Variants in VRTN observed in about 807,000 individuals in gnomAD.
VRTN encodes vertnin.
Under a neutral mutation model 18.2 loss-of-function variants are expected in VRTN, and 5 were observed. That is an observed-to-expected ratio of 0.27 (90% confidence interval 0.14 to 0.58). VRTN has a LOEUF of 0.58. Among genes scored for constraint, VRTN ranks in the 20% least tolerant of loss-of-function variants. The pLI is 0.91. For missense variants in VRTN, 741 were observed against 939.4 expected (o/e 0.79, Z 2.76); for synonymous variants, 381 against 393.7 (o/e 0.97, Z 0.38).
intron 1 of VRTN, among the ~76,000 whole-genome samples, chr14:74,327,271 T>C (rs1369090120): frequency 6.6e-6 from 1 of 152,198 alleles, no homozygotes; most frequent in Admixed American, 6.5e-5. Context: ...GGTCCGCTGG[T>C]CCACAGTAGT....
intron 1 of VRTN, among the ~76,000 whole-genome samples, chr14:74,311,519 C>G (rs1344273275): frequency 6.6e-6 from 1 of 151,640 alleles, no homozygotes; most frequent in Admixed American, 6.6e-5. Flanking sequence ...CTCCTGGGGT[C>G]AAGCTACTCC....
At chr14:74,324,759 A>G (rs998338572) in intron 1 of VRTN, among the ~76,000 whole-genome samples, 2 of 280 alleles carry the variant, frequency 7.1e-3, no homozygotes, top group African/African-American at 0.013. Context: ...GTGGTGGCGC[A>G]TGCTATGGCC....
In VRTN at chr14:74,358,878, C is replaced by G; in HGVS notation, c.2095C>G (p.Leu699Val). Residue 699 changes from leucine (L) to valine (V), a missense_variant, in exon 2 of 2, where the codon CTG becomes GTG. Physicochemically the swap from Leu to Val is conservative, Grantham distance 32. Around this residue, in one of 3 missense-constraint regions of VRTN, gnomAD observed 61 missense variants for 104.6 expected, o/e 0.58. Transcript: ENST00000256362. This position sits in a 1 kb window ranked among gnomAD's most constrained non-coding sequence, Gnocchi z 5.4. Reference sequence around the variant, plus strand: ...GCGAGCCCTCTATGACGGCCTGACCCTGGTAGATGGCTGACAGGGAGGTAC... The same window carrying G: ...GCGAGCCCTCTATGACGGCCTGACCGTGGTAGATGGCTGACAGGGAGGTAC... ...WKRALYDGLT[L>V]VDG The G allele has an allele frequency of 6.2e-7, 1 of 1,609,306 alleles. No homozygotes were observed. Among genetic ancestry groups the G allele is most frequent in the Non-Finnish European group, 8.5e-7 (1 of 1,176,898 alleles).
intron 1 of VRTN, among the ~76,000 whole-genome samples, chr14:74,335,552 G>T (rs8010377): frequency 1 from 152,300 of 152,300 alleles, 76,150 homozygotes; most frequent in Non-Finnish European, 1. Context: ...CTTATCACAG[G>T]CCTGTAATGA....
At chr14:74,314,557 C>T (rs780091469) in intron 1 of VRTN, among the ~76,000 whole-genome samples, 19 of 151,794 alleles carry the variant, frequency 1.3e-4, no homozygotes, top group Non-Finnish European at 2.2e-4. Context: ...CCACCATACC[C>T]GGCTAAATTT....
intron 1 of VRTN, among the ~76,000 whole-genome samples, chr14:74,353,625 T>C (rs544553122): frequency 6.6e-6 from 1 of 152,314 alleles, no homozygotes; most frequent in Admixed American, 6.5e-5. Context: ...CCAGTGTATA[T>C]TGTACACAAA....
At position 74,356,800 on chromosome 14, in the gene VRTN, A is replaced by G. The variant is rs1171941315; in HGVS notation, c.17A>G (p.Gln6Arg). Residue 6 changes from glutamine to arginine, a missense_variant, in exon 2 of 2, where the codon CAG (glutamine) becomes CGG (arginine). Gln to Arg is a conservative substitution (Grantham distance 43). Around this residue, in one of 3 missense-constraint regions of VRTN, gnomAD observed 186 missense variants for 288.3 expected, o/e 0.65. Transcript: ENST00000256362. The stretch of plus-strand genomic sequence containing the variant: ...CCTGGCAGGATGACTTCTCGGAACC[A>G]GCTGGTGCAGAAGGTGCTGCAGGAG... MTSRN[Q>R]LVQKVLQELQ... The G allele has an allele frequency of 1.9e-6, 3 of 1,597,392 alleles. No individual in the cohort carries two copies. The highest frequency in any genetic ancestry group is 2.6e-6 in the Non-Finnish European group (3 of 1,170,586).
chr14:74,350,031 C>G (rs1567045083), intron 1 of VRTN, among the ~76,000 whole-genome samples: 1 of 152,212 alleles, frequency 6.6e-6, no homozygotes, highest in Non-Finnish European at 1.5e-5. Context: ...GATTAGCTAT[C>G]ACTTTTTGCA....
intron 1 of VRTN, among the ~76,000 whole-genome samples, chr14:74,323,300 CTGGCTGGGGGCGG>C (rs1228272529): frequency 6.6e-6 from 1 of 151,546 alleles, no homozygotes; most frequent in Non-Finnish European, 1.5e-5. Context: ...AGTGCAGGTT[CTGGCTGGGGGCGG>C]TGGCTCATGC....
chr14:74,337,350 AAAAAACAAAC>A (rs557162664), intron 1 of VRTN, among the ~76,000 whole-genome samples: 1 of 151,952 alleles, frequency 6.6e-6, no homozygotes, highest in Non-Finnish European at 1.5e-5. Context: ...TCAAAAAAAC[AAAAAACAAAC>A]AAAAACAAAC....
chr14:74,351,416 A>G (rs1019099621), intron 1 of VRTN, among the ~76,000 whole-genome samples: 2 of 151,916 alleles, frequency 1.3e-5, no homozygotes, highest in African/African-American at 4.8e-5. Context: ...GAGAGGTTAT[A>G]CCAGATTTGT....
intron 1 of VRTN, among the ~76,000 whole-genome samples, chr14:74,314,604 G>A (rs1031110972): frequency 3.3e-5 from 5 of 151,524 alleles, no homozygotes; most frequent in Non-Finnish European, 7.4e-5. Context: ...GGGTTTCATC[G>A]AGTTAGCCAG....
intron 2 of VRTN, among the ~76,000 whole-genome samples, chr14:74,340,319 T>C (rs779065424): frequency 2.0e-5 from 3 of 152,054 alleles, no homozygotes; most frequent in Middle Eastern, 3.4e-3. Context: ...TCCATGTTGG[T>C]CAGGCTGGTC....
In VRTN at chr14:74,304,023, G is replaced by C. The variant is rs373381627; in HGVS notation, c.-164+847G>C. 2.0e-5 allele frequency among the ~76,000 whole-genome samples: 3 copies of C among 151,300 alleles called. 1 individual carries two copies. The highest frequency in any genetic ancestry group is 2.0e-4 in the East Asian group (1 of 5,100). On this transcript the variant is annotated intron_variant, in intron 1 of 2. Transcript: ENST00000557177. ...TGTGCCACCACGCCCAGCTAATTTA[G>C]TATTTTTAGTAGAGACAGGGTTTCT...
intron 1 of VRTN, among the ~76,000 whole-genome samples, chr14:74,311,082 T>C (rs1432647926): frequency 6.6e-6 from 1 of 152,190 alleles, no homozygotes; most frequent in Non-Finnish European, 1.5e-5. Flanking sequence ...ATATTAAGAC[T>C]TAAACATTAC....
chr14:74,310,452 GA>G (rs1287711673), intron 1 of VRTN, among the ~76,000 whole-genome samples: 1 of 150,524 alleles, frequency 6.6e-6, no homozygotes, highest in Non-Finnish European at 1.5e-5. Flanking sequence ...TCAGAACATG[GA>G]CCTCAGAGCC....
At chr14:74,322,688 G>A (rs1313036329) in intron 1 of VRTN, among the ~76,000 whole-genome samples, 1 of 152,162 alleles carries the variant, frequency 6.6e-6, no homozygotes, top group African/African-American at 2.4e-5. Flanking sequence ...TATTGTGTCT[G>A]TTTTCTTGTC....
chr14:74,356,998 G>A lies in VRTN; in HGVS notation c.215G>A (p.Arg72Gln), dbSNP rs45593432. Residue 72 changes from arginine (R) to glutamine (Q), a missense_variant, in exon 2 of 2, where the codon CGG becomes CAG. Physicochemically the swap from Arg to Gln is conservative, Grantham distance 43. This residue lies in a region of VRTN where 186 missense variants were observed against 288.3 expected (regional missense o/e 0.65). Transcript: ENST00000256362. ...AGCCTGTATCCAGAAGATGCTCCAC[G>A]GAACATGCTGCCGCTGGTGTGCAAG... ...ALSLYPEDAPRNMLPLVCKGE... is the reference protein window; with the variant it reads ...ALSLYPEDAPQNMLPLVCKGE... 2.3e-3 allele frequency: 3,771 copies of A among 1,610,918 alleles called. 14 individuals are homozygous for A. The highest frequency in any genetic ancestry group is 0.011 in the Middle Eastern group (64 of 6,042).
chr14:74,335,716 T>A (rs1260970757), intron 1 of VRTN, among the ~76,000 whole-genome samples: 1 of 151,710 alleles, frequency 6.6e-6, no homozygotes, highest in Non-Finnish European at 1.5e-5. Context: ...CCTTAAGCAG[T>A]TTCTCCCCTT....
Sources: allele counts gnomAD v4.1 joint callset (sites outside exome capture counted in the v4.1 genomes callset), GRCh38; gene constraint gnomAD v4.1.1; regional missense constraint gnomAD v4.1.1; non-coding constraint Gnocchi (gnomAD v3.1); transcripts MANE v1.5; gene names NCBI Gene and HGNC (gene_info 2026-07-23, HGNC 2026-07-21).